Variants in TRIM36 observed in about 807,000 individuals in gnomAD.
The protein encoded by TRIM36 is E3 ubiquitin-protein ligase TRIM36.
TRIM36 carries 42 observed loss-of-function variants against 72.4 expected under a neutral mutation model. That is an observed-to-expected ratio of 0.58 (90% CI 0.45 to 0.75). The LOEUF is 0.75. Among genes scored for constraint, TRIM36 ranks in the 30% least tolerant of loss-of-function variants. TRIM36 has a pLI of 0.00. For synonymous variants in TRIM36, 315 were observed against 282.8 expected (o/e 1.11, Z -1.14); for missense variants, 913 against 857.1 (o/e 1.07, Z -0.81).
intron 2 of TRIM36, among the ~76,000 whole-genome samples, chr5:115,155,292 G>C (rs910370491): frequency 6.6e-6 from 1 of 152,162 alleles, no homozygotes; most frequent in Non-Finnish European, 1.5e-5. Flanking sequence ...AGGTTGCAGT[G>C]AGCCGAGATC....
chr5:115,143,025 T>C (rs573688790), intron 4 of TRIM36, among the ~76,000 whole-genome samples: 1 of 152,012 alleles, frequency 6.6e-6, no homozygotes, highest in Non-Finnish European at 1.5e-5. Context: ...AAGGTATGTA[T>C]CTAAGAAGAG....
chr5:115,145,919 T>C (rs927224534), intron 3 of TRIM36, among the ~76,000 whole-genome samples: 1 of 152,206 alleles, frequency 6.6e-6, no homozygotes, highest in African/African-American at 2.4e-5. Flanking sequence ...AAATATTCCA[T>C]AGCATTTGCC....
chr5:115,160,900 A>C (rs887310980), intron 2 of TRIM36, among the ~76,000 whole-genome samples: 1 of 152,184 alleles, frequency 6.6e-6, no homozygotes, highest in Admixed American at 6.5e-5. Flanking sequence ...TCAGAAAAAA[A>C]GGAATATTAC....
Position 115,126,651 on chromosome 5 carries a change from T to G in TRIM36, c.2003A>C (p.Tyr668Ser). ...LDCDKGKVDF[Y>S]DMDQMKCLYE... is the part of the protein sequence containing the mutation. ...AAGGCATTTCATCTGATCCATATCA[T>G]AGAAATCTACTTTGCCTTTATCACA... The change falls in exon 10 of 10, where the codon TAT becomes TCT. Residue 668 changes from tyrosine to serine, a missense_variant. Physicochemically the swap from Tyr to Ser is moderately radical, Grantham distance 144 (BLOSUM62 -2). Coordinates refer to ENST00000513154, the MANE Select transcript of TRIM36 (RefSeq NM_001300759.2). The G allele has an allele frequency of 6.2e-7, 1 of 1,614,200 alleles. No individual in the cohort carries two copies. The highest frequency in any genetic ancestry group is 8.5e-7 in the Non-Finnish European group (1 of 1,180,012).
intron 7 of TRIM36, among the ~76,000 whole-genome samples, chr5:115,134,453 C>G (rs1752857558): frequency 3.9e-5 from 6 of 151,974 alleles, no homozygotes; most frequent in Admixed American, 2.6e-4. Context: ...CAGCCCAGGA[C>G]TTGAAATTTT....
chr5:115,133,754 A>G, intron 8 of TRIM36, 106 bp downstream of exon 8: 2 of 1,141,680 alleles, frequency 1.8e-6, no homozygotes, highest in South Asian at 2.3e-5. Flanking sequence ...TTTAAAAACA[A>G]GAGCTGGTTT....
intron 2 of TRIM36, among the ~76,000 whole-genome samples, chr5:115,152,033 T>C (rs1753920810): frequency 6.6e-6 from 1 of 152,040 alleles, no homozygotes; most frequent in African/African-American, 2.4e-5. Context: ...AATCCTTGAT[T>C]TACCTGAAAA....
At chr5:115,130,106 G>A (rs868337833) in intron 9 of TRIM36, among the ~76,000 whole-genome samples, 3 of 152,258 alleles carry the variant, frequency 2.0e-5, no homozygotes, top group Middle Eastern at 6.8e-3. Flanking sequence ...CCATCTAAAA[G>A]AACTGAACTG....
upstream of TRIM36, chr5:115,171,168 CCGT>C: frequency 3.1e-6 from 5 of 1,614,202 alleles, no homozygotes; most frequent in Non-Finnish European, 4.2e-6. Flanking sequence ...GTGGCAAGTT[CCGT>C]CGTCTTCCCA....
intron 1 of TRIM36, 117 bp downstream of exon 1, chr5:115,169,491 G>T: frequency 1.7e-6 from 2 of 1,152,118 alleles, no homozygotes; most frequent in Non-Finnish European, 2.4e-6. Flanking sequence ...ATCCCCACAC[G>T]CCTGCCTTTG....
intron 2 of TRIM36, among the ~76,000 whole-genome samples, chr5:115,162,750 G>C (rs1000209308): frequency 6.6e-6 from 1 of 152,022 alleles, no homozygotes; most frequent in African/African-American, 2.4e-5. Context: ...AAGGGATGCT[G>C]TCTTTCCCTC....
intron 2 of TRIM36, among the ~76,000 whole-genome samples, chr5:115,162,826 C>T (rs1391436471): frequency 1.3e-5 from 2 of 152,016 alleles, no homozygotes; most frequent in Non-Finnish European, 1.5e-5. Context: ...TAGGTAGTCC[C>T]ACTCCTTAAC....
intron 2 of TRIM36, among the ~76,000 whole-genome samples, chr5:115,153,448 C>G (rs1754001826): frequency 6.6e-6 from 1 of 152,060 alleles, no homozygotes; most frequent in South Asian, 2.1e-4. Context: ...TGGGAGGTAT[C>G]AATACACCAC....
At chr5:115,128,089 T>TAG (rs1554060402) in intron 9 of TRIM36, among the ~76,000 whole-genome samples, 1 of 146,508 alleles carries the variant, frequency 6.8e-6, no homozygotes, top group Non-Finnish European at 1.5e-5. Context: ...TAAAAAAAAT[T>TAG]GGGGGGGGCC....
At chr5:115,147,531 T>C in intron 2 of TRIM36, 137 bp from the exon 3 acceptor site, 1 of 1,062,478 alleles carries the variant, frequency 9.4e-7, no homozygotes, top group African/African-American at 1.6e-5. Flanking sequence ...ACGTGAAATT[T>C]GTATTGTGAA....
intron 7 of TRIM36, 144 bp from the exon 8 acceptor site, chr5:115,134,291 G>T: frequency 2.0e-6 from 1 of 503,404 alleles, no homozygotes; most frequent in African/African-American, 2.0e-5. Flanking sequence ...TATATAGAAA[G>T]CACAAAAATT....
At chr5:115,171,129 T>G (rs750617563), upstream of TRIM36, 12 of 1,614,136 alleles carry the variant, frequency 7.4e-6, no homozygotes, top group East Asian at 2.7e-4. Flanking sequence ...TTCCCACTTT[T>G]ATTTCCTGTT....
intron 7 of TRIM36, 149 bp downstream of exon 7, chr5:115,136,851 T>TA (rs1445404517): frequency 1.5e-6 from 1 of 669,252 alleles, no homozygotes; most frequent in Non-Finnish European, 2.2e-6. Flanking sequence ...TTTAAAAACA[T>TA]AAATAGGATA....
rs568700385 is a variant in TRIM36, at chr5:115,146,953, T to C, written c.588+116A>G. The C allele has an allele frequency of 4.9e-5, 55 of 1,126,440 alleles. No individual in the cohort carries two copies. In the Middle Eastern group the frequency reaches 9.2e-4, roughly 19 times the overall value. The allele number at this position is 1,126,440 out of a possible 1,614,324, so 69.8% of individuals were successfully genotyped here. A position where few individuals can be genotyped will look rare whatever the true frequency, so the allele number is the denominator to read the frequency against. On this transcript the variant is annotated intron_variant, in intron 3 of 9. Transcript: ENST00000513154. Reference sequence around the variant, plus strand: ...TAAGTTCTTATACCTGCTTTTAAAGTTATTTCCTTTCTGTCAAGTTCTAGA... The same window carrying C: ...TAAGTTCTTATACCTGCTTTTAAAGCTATTTCCTTTCTGTCAAGTTCTAGA...
Sources: allele counts gnomAD v4.1 joint callset (sites outside exome capture counted in the v4.1 genomes callset), GRCh38; gene constraint gnomAD v4.1.1; transcripts MANE v1.5; gene names NCBI Gene and HGNC (gene_info 2026-07-23, HGNC 2026-07-21).